ARFGAP1: variants seen among roughly 807,000 people sequenced by gnomAD.
ARFGAP1 encodes the protein ADP-ribosylation factor GTPase-activating protein 1.
In ARFGAP1, 26 loss-of-function variants were observed where a neutral mutation model predicts 54.0. That is an observed-to-expected ratio of 0.48 (90% CI 0.35 to 0.67). The LOEUF is 0.67. ARFGAP1 is among the 30% of genes least tolerant of loss of function. The pLI, the probability that ARFGAP1 is intolerant of heterozygous loss-of-function variation, is 0.00. For missense variants in ARFGAP1, 525 were observed against 535.8 expected, an observed-to-expected ratio of 0.98 and a Z score of 0.20; for synonymous variants, 248 against 211.9, an observed-to-expected ratio of 1.17 and a Z score of -1.48.
Position 63,285,500 on chromosome 20 carries a change from G to C in ARFGAP1, c.775-154G>C, listed in dbSNP as rs546686546. 3 of 754,948 alleles carry C rather than the reference G, an allele frequency of 4.0e-6. No individual in the cohort carries two copies. In the Admixed American group the frequency reaches 6.7e-5, roughly 17 times the overall value. 46.8% of individuals were successfully genotyped at this position (754,948 alleles called of 1,614,324 possible). A position where few individuals can be genotyped will look rare whatever the true frequency, so the allele number is the denominator to read the frequency against. ...GGTTTCTTGATGCTGGAATCCCTTT[G>C]GGGCCACTGTAGAACTTTCTGGGGC... is the stretch of plus-strand genomic sequence containing the variant. On this transcript the variant is annotated intron_variant, in intron 10 of 12. Coordinates refer to ENST00000370283, the MANE Select transcript of ARFGAP1 (RefSeq NM_018209.4).
At position 63,276,870 on chromosome 20, in the gene ARFGAP1, G is replaced by A; in HGVS notation, c.342+219G>A. 3.5e-6 allele frequency: 2 copies of A among 573,624 alleles called. No homozygotes were observed. Among genetic ancestry groups the A allele is most frequent in the Non-Finnish European group, 6.1e-6 (2 of 328,214 alleles). The allele number at this position is 573,624 out of a possible 1,614,324, so 35.5% of individuals were successfully genotyped here. A position where few individuals can be genotyped will look rare whatever the true frequency, so the allele number is the denominator to read the frequency against. On this transcript the variant is annotated intron_variant, in intron 4 of 12. Transcript: ENST00000370283. This position sits in a 1 kb window ranked among gnomAD's most constrained non-coding sequence, Gnocchi z 5.2. Reference sequence around the variant, plus strand: ...GAGACAGACCTTCCCCGCCTCCAGGGGAGAAAGCAGCTGTGACCGTTTATT... The same window carrying A: ...GAGACAGACCTTCCCCGCCTCCAGGAGAGAAAGCAGCTGTGACCGTTTATT...
rs530892826 is a variant in ARFGAP1, at chr20:63,288,446, C to T, written c.*573C>T. The T allele has an allele frequency of 2.4e-5, 11 of 456,110 alleles. No homozygotes were observed. The highest frequency in any genetic ancestry group is 1.4e-4 in the East Asian group (2 of 14,392). 28.3% of individuals were successfully genotyped at this position (456,110 alleles called of 1,614,324 possible). ...TGGGCCTGTGCTGTCAGACCCGCGTCGGTCGTAACCCTCTGTGGCTCCCCT... is the reference window on the plus strand; with the variant it reads ...TGGGCCTGTGCTGTCAGACCCGCGTTGGTCGTAACCCTCTGTGGCTCCCCT... On this transcript the variant is annotated 3_prime_UTR_variant, in exon 13 of 13. Transcript: ENST00000370283.
chr20:63,278,673 T>C, intron 6 of ARFGAP1: 1 of 559,792 alleles, frequency 1.8e-6, no homozygotes, highest in East Asian at 2.9e-5. Flanking sequence ...TGTGGCTGGC[T>C]TTGGGGACTT....
At chr20:63,273,597 G>A (rs527904963) in intron 1 of ARFGAP1, 1 of 152,338 alleles carries the variant, frequency 6.6e-6, no homozygotes, top group Non-Finnish European at 1.5e-5. Context: ...ACGTAGAGGA[G>A]TTCCTCTTAA....
At position 63,277,196 on chromosome 20, in the gene ARFGAP1, C is replaced by G. The variant is rs2067257145; in HGVS notation, c.343-9C>G. The G allele has an allele frequency of 6.2e-7, 1 of 1,610,738 alleles. No individual in the cohort carries two copies. Among genetic ancestry groups the G allele is most frequent in the African/African-American group, 1.3e-5 (1 of 74,844 alleles). ...TTATGCTCTCGAATGCCCTGTGTCTCCTTGTCAGGTGGTCGCTCTGGCCGA... is the reference window on the plus strand; with the variant it reads ...TTATGCTCTCGAATGCCCTGTGTCTGCTTGTCAGGTGGTCGCTCTGGCCGA... On this transcript the variant is annotated splice_polypyrimidine_tract_variant and intron_variant, in intron 4 of 12. Coordinates refer to ENST00000370283, the MANE Select transcript of ARFGAP1 (RefSeq NM_018209.4).
chr20:63,273,453 C>T (rs1343878391), intron 1 of ARFGAP1: 2 of 152,348 alleles, frequency 1.3e-5, no homozygotes, highest in Admixed American at 6.5e-5. Flanking sequence ...ATCTTGGTTT[C>T]AAGCGTTCAG....
chr20:63,288,487 C>T lies in ARFGAP1; in HGVS notation c.*614C>T, dbSNP rs1388941943. The T allele has an allele frequency of 2.2e-6, 1 of 455,942 alleles. No individual in the cohort carries two copies. The highest frequency in any genetic ancestry group is 2.0e-5 in the African/African-American group (1 of 50,084). 28.2% of individuals were successfully genotyped at this position (455,942 alleles called of 1,614,324 possible). ...TGGCTCCCCTGCATCAGCACCGTCC[C>T]ACCACCAAGTTCACCAGGTTCACCA... On this transcript the variant is annotated 3_prime_UTR_variant, in exon 13 of 13. Coordinates refer to ENST00000370283, the MANE Select transcript of ARFGAP1 (RefSeq NM_018209.4).
intron 10 of ARFGAP1, 55 bp from the exon 11 acceptor site, chr20:63,285,599 C>CT: frequency 6.3e-7 from 1 of 1,578,766 alleles, no homozygotes; most frequent in Non-Finnish European, 8.7e-7. Context: ...ACTCCTGAAG[C>CT]TTTAAGCTTT....
intron 1 of ARFGAP1, chr20:63,274,135 G>A (rs1010456505): frequency 7.9e-5 from 12 of 152,348 alleles, no homozygotes; most frequent in Middle Eastern, 3.4e-3. Context: ...CACTCTTACA[G>A]AAGGCACAGA....
intron 6 of ARFGAP1, among the ~76,000 whole-genome samples, 194 bp from the exon 7 acceptor site, chr20:63,278,705 T>C (rs2067297826): frequency 6.8e-6 from 1 of 147,428 alleles, no homozygotes; most frequent in African/African-American, 2.4e-5. Flanking sequence ...TGTGGTGATG[T>C]GGCAGGAGGG....
At chr20:63,284,481 G>C in intron 9 of ARFGAP1, 1 of 1,115,716 alleles carries the variant, frequency 9.0e-7, no homozygotes, top group Non-Finnish European at 1.1e-6. Context: ...GGGACTCGGT[G>C]CCTGCCTGGG....
At chr20:63,284,816 T>C (rs1343921197) in intron 9 of ARFGAP1, 50 bp from the exon 10 acceptor site, 1 of 1,607,798 alleles carries the variant, frequency 6.2e-7, no homozygotes, top group South Asian at 1.1e-5. Context: ...TGCCGACCCG[T>C]GTCCCGTGGT....
intron 8 of ARFGAP1, 57 bp from the exon 9 acceptor site, chr20:63,282,762 G>A: frequency 6.3e-7 from 1 of 1,594,898 alleles, no homozygotes; most frequent in Non-Finnish European, 8.6e-7. Context: ...CCCTGAGGAA[G>A]GATGCCTGGC....
rs1244580650 is a variant in ARFGAP1 at position 63,276,266 on chromosome 20, C to T, written c.170+66C>T. 8 of 1,566,424 alleles carry T rather than the reference C, an allele frequency of 5.1e-6. No individual in the cohort carries two copies. The highest frequency in any genetic ancestry group is 1.4e-5 in the African/African-American group (1 of 74,030). On this transcript the variant is annotated intron_variant, in intron 3 of 12. Transcript: ENST00000370283. The surrounding 1 kb of genome is among the most constrained non-coding windows in gnomAD (Gnocchi z 5.2). ...CCACCCCAGCATCTGTTCCTGACAC[C>T]AGAGGTGCTGACGCCAGGGAAGCTT...
At chr20:63,280,488 A>G (rs1271376567) in intron 7 of ARFGAP1, among the ~76,000 whole-genome samples, 3 of 152,222 alleles carry the variant, frequency 2.0e-5, no homozygotes, top group Non-Finnish European at 4.4e-5. Context: ...TAGCATGACA[A>G]GATCTTCAAA....
At chr20:63,278,647 C>T (rs1020754993) in intron 6 of ARFGAP1, 30 of 532,080 alleles carry the variant, frequency 5.6e-5, no homozygotes, top group Non-Finnish European at 7.3e-5. Flanking sequence ...TGTTTTGATC[C>T]TTCTTCTAGT....
At position 63,286,081 on chromosome 20, in the gene ARFGAP1, G is replaced by C. The variant is rs201170348; in HGVS notation, c.835-285G>C. 3 of 1,550,026 alleles carry C rather than the reference G, an allele frequency of 1.9e-6. No individual in the cohort carries two copies. In the South Asian group the frequency reaches 3.6e-5, roughly 18 times the overall value. ...GGCATGAGGCGCTCTGCGGACAGAC[G>C]GGGAGGGAAGAGCAGGCCTCGCTCC... On this transcript the variant is annotated intron_variant, in intron 11 of 12. Coordinates refer to ENST00000370283, the MANE Select transcript of ARFGAP1 (RefSeq NM_018209.4).
rs1333570717 is a variant in ARFGAP1, at chr20:63,276,167, C to T, written c.137C>T (p.Ser46Leu). 4.3e-6 allele frequency: 7 copies of T among 1,613,784 alleles called. No individual in the cohort carries two copies. Among genetic ancestry groups the T allele is most frequent in the Admixed American group, 1.7e-5 (1 of 60,008 alleles). The change falls in exon 3 of 13, where the codon TCG (serine) becomes TTG (leucine). Residue 46 changes from serine to leucine, a missense_variant. Coordinates refer to ENST00000370283, the MANE Select transcript of ARFGAP1 (RefSeq NM_018209.4). This position sits in a 1 kb window ranked among gnomAD's most constrained non-coding sequence, Gnocchi z 5.2. ...TYGIWICLECSGRHRGLGVHL... is the reference protein window; with the variant it reads ...TYGIWICLECLGRHRGLGVHL... ...GGCATCTGGATCTGCCTGGAGTGCT[C>T]GGGGAGACACCGCGGGCTTGGGGTT...
At chr20:63,281,651 C>T (rs777319001) in intron 8 of ARFGAP1, among the ~76,000 whole-genome samples, 1 of 152,192 alleles carries the variant, frequency 6.6e-6, no homozygotes, top group Non-Finnish European at 1.5e-5. Context: ...AGACTCCACC[C>T]TATCCAAGCA....
Sources: allele counts gnomAD v4.1 joint callset (sites outside exome capture counted in the v4.1 genomes callset), GRCh38; gene constraint gnomAD v4.1.1; non-coding constraint Gnocchi (gnomAD v3.1); transcripts MANE v1.5; gene names NCBI Gene and HGNC (gene_info 2026-07-23, HGNC 2026-07-21).